The following ADCY1 variants were observed in gnomAD, a reference collection of about 807,000 sequenced individuals.
The protein encoded by ADCY1 is adenylate cyclase 1, also known as adenylate cyclase type 1.
In ADCY1, 28 loss-of-function variants were observed where a neutral mutation model predicts 105.4. The ratio of observed to expected loss-of-function variants is 0.27; its 90% CI spans 0.20 to 0.36. The LOEUF is 0.36. Ranked by LOEUF, ADCY1 falls within the 10% of genes least tolerant of loss-of-function variation. The probability of loss-of-function intolerance (pLI) is 1.00; values close to 1 mark genes in which losing one functional copy is unlikely to be tolerated. For missense variants in ADCY1, 977 were observed against 1,434.2 expected, an observed-to-expected ratio of 0.68 and a Z score of 5.15; for synonymous variants, 655 against 623.8, an observed-to-expected ratio of 1.05 and a Z score of -0.75.
Position 45,678,039 on chromosome 7 carries a change from C to T in ADCY1, c.1776C>T (p.Tyr592=), listed in dbSNP as rs751109490. The T allele has an allele frequency of 4.3e-6, 7 of 1,613,962 alleles. No individual in the cohort carries two copies. Among genetic ancestry groups the T allele is most frequent in the African/African-American group, 1.3e-5 (1 of 74,916 alleles). The change falls in exon 9 of 20, where the codon TAC becomes TAT. Residue 592 remains tyrosine, a synonymous_variant. Transcript: ENST00000297323. The part of the protein sequence containing the change: ...MADLNFFTLK[Y]KHVEREQKYH... ...ACCTGAACTTCTTTACCCTGAAGTA[C>T]AAACATGTCGAACGGGAGCAAAAGG...
intron 5 of ADCY1, among the ~76,000 whole-genome samples, chr7:45,650,677 T>C (rs1794785569): frequency 6.6e-6 from 1 of 152,180 alleles, no homozygotes; most frequent in Non-Finnish European, 1.5e-5. Flanking sequence ...CTGGTCTCCT[T>C]ACCTGGCTGT....
intron 11 of ADCY1, among the ~76,000 whole-genome samples, chr7:45,683,558 A>G (rs1284077108): frequency 6.6e-6 from 1 of 152,168 alleles, no homozygotes; most frequent in Non-Finnish European, 1.5e-5. Flanking sequence ...GAGAGAAGGC[A>G]GGGTAGCAGG....
rs1792610521 is a variant in ADCY1 at position 45,583,133 on chromosome 7, C to A, written c.639+7951C>A. 2.0e-5 allele frequency among the ~76,000 whole-genome samples: 3 copies of A among 152,350 alleles called. No individual in the cohort carries two copies. In the South Asian group the frequency reaches 6.2e-4, roughly 32 times the overall value. On this transcript the variant is annotated intron_variant, in intron 1 of 19. Transcript: ENST00000297323. Reference sequence around the variant, plus strand: ...GTATGGGCATGTGCCTGTGTGCACACATGTGCGTGTGGATACGTGTGACTG... The same window carrying A: ...GTATGGGCATGTGCCTGTGTGCACAAATGTGCGTGTGGATACGTGTGACTG...
At position 45,636,505 on chromosome 7, in the gene ADCY1, G is replaced by A. The variant is rs375367753; in HGVS notation, c.1021-12165G>A. Among the ~76,000 whole-genome samples the A allele has an allele frequency of 7.0e-4, 107 of 152,298 alleles. 1 individual carries two copies. The highest frequency in any genetic ancestry group is 2.5e-3 in the African/African-American group (104 of 41,564). On this transcript the variant is annotated intron_variant, in intron 4 of 19. Transcript: ENST00000297323. ...CAGAACCCATGGATGTGGAGGGTCT[G>A]TGTCTTATTCCATCCTTTTATTTTT...
intron 19 of ADCY1, among the ~76,000 whole-genome samples, chr7:45,711,575 A>G (rs2116280323): frequency 6.9e-6 from 1 of 145,172 alleles, no homozygotes; most frequent in South Asian, 2.1e-4. Flanking sequence ...TTGTGCAGCC[A>G]TCACCACCAT....
intron 8 of ADCY1, among the ~76,000 whole-genome samples, chr7:45,674,252 A>C (rs1784416001): frequency 6.6e-6 from 1 of 152,110 alleles, no homozygotes; most frequent in Non-Finnish European, 1.5e-5. Flanking sequence ...CCATTGTTGC[A>C]TGGAGTATTT....
At chr7:45,603,027 G>A (rs1387052930) in intron 2 of ADCY1, among the ~76,000 whole-genome samples, 1 of 152,150 alleles carries the variant, frequency 6.6e-6, no homozygotes, top group Non-Finnish European at 1.5e-5. Flanking sequence ...AGATTTACCT[G>A]TTCTGGACAT....
In ADCY1 at chr7:45,695,418, A is replaced by G. The variant is rs757268620; in HGVS notation, c.2455-7958A>G. 5.8e-4 allele frequency among the ~76,000 whole-genome samples: 88 copies of G among 152,074 alleles called. 1 individual carries two copies. The highest frequency in any genetic ancestry group is 1.0e-3 in the Non-Finnish European group (69 of 68,008). On this transcript the variant is annotated intron_variant, in intron 14 of 19. Coordinates refer to ENST00000297323, the MANE Select transcript of ADCY1 (RefSeq NM_021116.4). ...GAAATCTGCCAAACCCTAAATGGGC[A>G]CTCTCATGGATGCCATGCATGACAT... is the stretch of plus-strand genomic sequence containing the variant.
chr7:45,601,251 C>A (rs554205192), intron 2 of ADCY1, among the ~76,000 whole-genome samples: 1 of 152,088 alleles, frequency 6.6e-6, no homozygotes, highest in African/African-American at 2.4e-5. Context: ...TCCCTTCCCC[C>A]CCTGCTCTTA....
At position 45,678,048 on chromosome 7, in the gene ADCY1, C is replaced by T. The variant is rs747756051; in HGVS notation, c.1785C>T (p.Val595=). 21 of 1,613,924 alleles carry T rather than the reference C, an allele frequency of 1.3e-5. No individual in the cohort carries two copies. Among genetic ancestry groups the T allele is most frequent in the Middle Eastern group, 1.6e-4 (1 of 6,078 alleles). The stretch of plus-strand genomic sequence containing the variant: ...TCTTTACCCTGAAGTACAAACATGT[C>T]GAACGGGAGCAAAAGGTAAGCAACT... ...LNFFTLKYKH[V]EREQKYHQLQ... is the part of the protein sequence containing the mutation. Residue 595 remains valine (V), a synonymous_variant, in exon 9 of 20, where the codon GTC becomes GTT. Coordinates refer to ENST00000297323, the MANE Select transcript of ADCY1 (RefSeq NM_021116.4).
At position 45,710,453 on chromosome 7, in the gene ADCY1, G is replaced by A. The variant is rs1785203812; in HGVS notation, c.2933-75G>A. 1 of 1,564,732 alleles carries A rather than the reference G, an allele frequency of 6.4e-7. No homozygotes were observed. The highest frequency in any genetic ancestry group is 8.7e-7 in the Non-Finnish European group (1 of 1,152,892). Reference sequence around the variant, plus strand: ...TTTTCTCCACCAGGAGCAGCATCAGGTGCATTTGGTGGCCCTGGTGGGGTG... The same window carrying A: ...TTTTCTCCACCAGGAGCAGCATCAGATGCATTTGGTGGCCCTGGTGGGGTG... On this transcript the variant is annotated intron_variant, in intron 18 of 19. Coordinates refer to ENST00000297323, the MANE Select transcript of ADCY1 (RefSeq NM_021116.4). This position sits in a 1 kb window ranked among gnomAD's most constrained non-coding sequence, Gnocchi z 4.7.
chr7:45,664,289 G>C (rs1214698528), intron 8 of ADCY1: 1 of 1,536,022 alleles, frequency 6.5e-7, no homozygotes, highest in Non-Finnish European at 8.7e-7. Context: ...TCTCCTGTAG[G>C]TTCAGATCCA....
intron 5 of ADCY1, among the ~76,000 whole-genome samples, chr7:45,650,202 A>G (rs1388002791): frequency 6.6e-6 from 1 of 152,188 alleles, no homozygotes; most frequent in Non-Finnish European, 1.5e-5. Flanking sequence ...GTTTCATGTA[A>G]TATATATCAC....
rs1313359274 is a variant in ADCY1, at chr7:45,713,694, T to G, written c.3059T>G (p.Val1020Gly). ...ACACTCACTTCTCTCCATCAACAGG[T>G]GACTGAGGAAGTCCACCGGCTGCTG... Reference protein sequence around the residue: ...DSTGVQGRIQVTEEVHRLLRR... With the variant: ...DSTGVQGRIQGTEEVHRLLRR... The change falls in exon 20 of 20, where the codon GTG becomes GGG. Residue 1020 changes from valine to glycine, a missense_variant and splice_region_variant. Val to Gly is a moderately radical substitution (Grantham distance 109). Around this residue, in one of 7 missense-constraint regions of ADCY1, gnomAD observed 78 missense variants for 60.0 expected, o/e 1.30. Coordinates refer to ENST00000297323, the MANE Select transcript of ADCY1 (RefSeq NM_021116.4). The G allele has an allele frequency of 1.3e-6, 1 of 779,396 alleles. No homozygotes were observed. 48.3% of individuals were successfully genotyped at this position (779,396 alleles called of 1,614,324 possible). A position where few individuals can be genotyped will look rare whatever the true frequency, so the allele number is the denominator to read the frequency against.
Position 45,679,591 on chromosome 7 carries a change from G to A in ADCY1, c.1899-118G>A, listed in dbSNP as rs1784519259. 7.2e-6 allele frequency: 7 copies of A among 977,836 alleles called. No homozygotes were observed. The South Asian group carries it at 8.6e-5, about 12-fold the overall frequency. The allele number at this position is 977,836 out of a possible 1,614,324, so 60.6% of individuals were successfully genotyped here. A position where few individuals can be genotyped will look rare whatever the true frequency, so the allele number is the denominator to read the frequency against. ...AGTGGCAGGCATCCAGGTTAACGAT[G>A]CTGCTTCCTCCTGAGAGCACAGGGG... On this transcript the variant is annotated intron_variant, in intron 10 of 19. Coordinates refer to ENST00000297323, the MANE Select transcript of ADCY1 (RefSeq NM_021116.4).
intron 7 of ADCY1, among the ~76,000 whole-genome samples, chr7:45,661,044 C>G (rs1023282123): frequency 2.0e-5 from 3 of 149,442 alleles, no homozygotes; most frequent in Admixed American, 6.6e-5. Flanking sequence ...AGGGGAGGGT[C>G]GATGCCTCAG....
At chr7:45,625,321 G>A (rs1794021289) in intron 4 of ADCY1, among the ~76,000 whole-genome samples, 1 of 152,222 alleles carries the variant, frequency 6.6e-6, no homozygotes, top group South Asian at 2.1e-4. Flanking sequence ...TGCCTGGGAT[G>A]CTGGCTTACA....
chr7:45,609,022 A>G (rs1398684333), intron 2 of ADCY1, among the ~76,000 whole-genome samples: 2 of 152,238 alleles, frequency 1.3e-5, no homozygotes, highest in South Asian at 2.1e-4. Flanking sequence ...GAAGTAACTT[A>G]CCAGGGGAAA....
At chr7:45,657,968 G>T in intron 6 of ADCY1, 83 bp downstream of exon 6, 3 of 1,467,348 alleles carry the variant, frequency 2.0e-6, no homozygotes, top group Non-Finnish European at 2.7e-6. Context: ...TCAGGTTCTG[G>T]GCTGTGCTCT....
Sources: gnomAD v4.1 joint callset for allele counts (sites outside exome capture counted in the v4.1 genomes callset) on GRCh38, gnomAD v4.1.1 for gene constraint, gnomAD v4.1.1 regional missense constraint, Gnocchi (gnomAD v3.1) non-coding constraint, MANE v1.5 for transcripts, NCBI Gene and HGNC (gene_info 2026-07-23, HGNC 2026-07-21) for gene names.